DNMBP: variants seen among roughly 807,000 people sequenced by gnomAD.
The protein encoded by DNMBP is dynamin-binding protein.
A neutral mutation model predicts 150.0 loss-of-function variants in DNMBP; 87 were observed. The observed-to-expected ratio is 0.58, with a 90% CI of 0.49 to 0.69. The LOEUF (loss-of-function observed/expected upper bound fraction) is 0.69. DNMBP is among the 30% of genes least tolerant of loss of function. DNMBP has a pLI of 0.00. For missense variants in DNMBP, 1,774 were observed against 1,949.0 expected, an observed-to-expected ratio of 0.91 and a Z score of 1.69; for synonymous variants, 711 against 750.4, an observed-to-expected ratio of 0.95 and a Z score of 0.86.
intron 3 of DNMBP, among the ~76,000 whole-genome samples, chr10:99,964,491 G>GTTT (rs200597908): frequency 2.7e-5 from 4 of 146,402 alleles, no homozygotes; most frequent in African/African-American, 2.5e-5. Context: ...CTTTTCTCCT[G>GTTT]TTTTTGTTTT....
Position 99,992,652 on chromosome 10 carries a change from G to A in DNMBP, c.-11+17186C>T, listed in dbSNP as rs1305626880. 1.5e-4 allele frequency among the ~76,000 whole-genome samples: 23 copies of A among 150,416 alleles called. No individual in the cohort carries two copies. In the South Asian group the frequency reaches 2.2e-3, roughly 14 times the overall value. ...CGCCATTCTCCTGCCTTAGCCTCCCGAGTAGCTGGGACTATAGGCGCCCGC... is the reference window on the plus strand; with the variant it reads ...CGCCATTCTCCTGCCTTAGCCTCCCAAGTAGCTGGGACTATAGGCGCCCGC... On this transcript the variant is annotated intron_variant, in intron 1 of 16. Transcript: ENST00000324109.
rs1015587602 is a variant in DNMBP at position 99,969,262 on chromosome 10, A to C, written c.146-25T>G. 6.2e-7 allele frequency: 1 copy of C among 1,613,304 alleles called. No individual in the cohort carries two copies. Among genetic ancestry groups the C allele is most frequent in the East Asian group, 2.2e-5 (1 of 44,856 alleles). On this transcript the variant is annotated intron_variant, in intron 2 of 16. Coordinates refer to ENST00000324109, the MANE Select transcript of DNMBP (RefSeq NM_015221.4). ...CCTGAAAATAAAAGCAAACATATTA[A>C]ATTTTAATACTGAGATTTCTTTTCC...
chr10:99,984,824 C>A (rs1258661624), intron 1 of DNMBP, among the ~76,000 whole-genome samples: 1 of 152,124 alleles, frequency 6.6e-6, no homozygotes, highest in Non-Finnish European at 1.5e-5. Flanking sequence ...ACCTCCCAGG[C>A]TAAAGTGATT....
At chr10:99,894,349 T>C (rs766702607) in intron 11 of DNMBP, among the ~76,000 whole-genome samples, 3 of 152,188 alleles carry the variant, frequency 2.0e-5, no homozygotes, top group Non-Finnish European at 4.4e-5. Context: ...GAGACAAGAA[T>C]AGAAAGGATG....
chr10:100,004,388 C>T (rs1164702687), intron 1 of DNMBP, among the ~76,000 whole-genome samples: 1 of 151,882 alleles, frequency 6.6e-6, no homozygotes, highest in Non-Finnish European at 1.5e-5. Context: ...GCTTGCTGTG[C>T]CAGTCATTAG....
At chr10:99,939,637 T>C (rs145734384) in intron 4 of DNMBP, among the ~76,000 whole-genome samples, 1 of 152,202 alleles carries the variant, frequency 6.6e-6, no homozygotes, top group East Asian at 1.9e-4. Context: ...ACCACTTTTG[T>C]AAAACTAATG....
chr10:99,970,974 A>AAAAAAAAAAAAAAT, intron 2 of DNMBP, among the ~76,000 whole-genome samples: 2 of 127,794 alleles, frequency 1.6e-5, no homozygotes, highest in African/African-American at 7.3e-5. Flanking sequence ...TCCGTCTCAA[A>AAAAAAAAAAAAAAT]AAAAAAAAAA....
chr10:99,959,870 A>C (rs1227025995), intron 3 of DNMBP, among the ~76,000 whole-genome samples: 2 of 151,644 alleles, frequency 1.3e-5, no homozygotes, highest in Non-Finnish European at 2.9e-5. Context: ...AAAAAAACAA[A>C]AAAAAAACAA....
intron 4 of DNMBP, chr10:99,930,108 A>G: frequency 1.4e-6 from 1 of 702,936 alleles, no homozygotes; most frequent in Non-Finnish European, 2.6e-6. Context: ...CGAATCTGAA[A>G]AGCTCACAGG....
chr10:99,971,962 T>C lies in DNMBP; in HGVS notation c.145+18A>G, dbSNP rs2040681929. On this transcript the variant is annotated intron_variant, in intron 2 of 16. Coordinates refer to ENST00000324109, the MANE Select transcript of DNMBP (RefSeq NM_015221.4). ...AAAGAAGTCAGGGCCTGTGGTCCAC[T>C]ATGAGTCTCTTACTTACCTGTAACA... The C allele has an allele frequency of 6.2e-6, 10 of 1,609,680 alleles. No individual in the cohort carries two copies. Among genetic ancestry groups the C allele is most frequent in the African/African-American group, 1.3e-5 (1 of 74,586 alleles).
At chr10:99,942,246 G>A in intron 4 of DNMBP, among the ~76,000 whole-genome samples, 1 of 152,080 alleles carries the variant, frequency 6.6e-6, no homozygotes, top group Admixed American at 6.5e-5. Context: ...TTTCTCCATA[G>A]ATTGTTTTCC....
At chr10:99,940,815 G>A (rs949535724) in intron 4 of DNMBP, among the ~76,000 whole-genome samples, 3 of 152,070 alleles carry the variant, frequency 2.0e-5, no homozygotes, top group Non-Finnish European at 2.9e-5. Flanking sequence ...TCTTGACAAG[G>A]TCACCAAATC....
chr10:99,927,342 A>C (rs2040092471), intron 4 of DNMBP: 1 of 152,238 alleles, frequency 6.6e-6, no homozygotes, highest in Non-Finnish European at 1.5e-5. Context: ...GTGGGCAGAT[A>C]AAACACAAAG....
intron 4 of DNMBP, among the ~76,000 whole-genome samples, chr10:99,937,513 T>C (rs1233644316): frequency 1.3e-5 from 2 of 152,238 alleles, no homozygotes; most frequent in African/African-American, 4.8e-5. Flanking sequence ...ATCTGTTTGA[T>C]TTCATGGCAC....
intron 1 of DNMBP, among the ~76,000 whole-genome samples, chr10:99,994,570 T>G (rs2040931704): frequency 6.6e-6 from 1 of 152,216 alleles, no homozygotes; most frequent in Non-Finnish European, 1.5e-5. Flanking sequence ...GCAATTGACG[T>G]GCCCCTCTAC....
intron 4 of DNMBP, among the ~76,000 whole-genome samples, chr10:99,916,953 A>G (rs919683624): frequency 6.6e-6 from 1 of 151,988 alleles, no homozygotes; most frequent in African/African-American, 2.4e-5. Context: ...AGTGAGCGAG[A>G]TCACGCCACT....
intron 12 of DNMBP, among the ~76,000 whole-genome samples, chr10:99,888,621 T>C (rs2039507914): frequency 6.6e-6 from 1 of 152,226 alleles, no homozygotes; most frequent in African/African-American, 2.4e-5. Flanking sequence ...TTAAAAAACC[T>C]GTTTGTACAG....
At position 99,885,718 on chromosome 10, in the gene DNMBP, C is replaced by CG; in HGVS notation, c.3766dup (p.Arg1256ProfsTer32). 6.3e-7 allele frequency: 1 copy of CG among 1,582,780 alleles called. No individual in the cohort carries two copies. The highest frequency in any genetic ancestry group is 8.6e-7 in the Non-Finnish European group (1 of 1,162,294). ...CAGGAGTGGCTTTCGAGCAGACTGGCGGTCAATGGTTTTCCTCTCAAATGG... is the reference window on the plus strand; with the variant it reads ...CAGGAGTGGCTTTCGAGCAGACTGGCGGGTCAATGGTTTTCCTCTCAAATGG... On this transcript the variant is annotated frameshift_variant, in exon 14 of 17. Coordinates refer to ENST00000324109, the MANE Select transcript of DNMBP (RefSeq NM_015221.4). LOFTEE classifies it high-confidence loss of function.
chr10:99,996,152 C>T (rs1473928991), intron 1 of DNMBP, among the ~76,000 whole-genome samples: 1 of 152,184 alleles, frequency 6.6e-6, no homozygotes, highest in Non-Finnish European at 1.5e-5. Context: ...CGTTTGGAAT[C>T]ACAAGAAGAG....
Sources: gnomAD v4.1 joint callset for allele counts (sites outside exome capture counted in the v4.1 genomes callset) on GRCh38, gnomAD v4.1.1 for gene constraint, MANE v1.5 for transcripts, NCBI Gene and HGNC (gene_info 2026-07-23, HGNC 2026-07-21) for gene names.